TCF25: variants seen among roughly 807,000 people sequenced by gnomAD.
TCF25 encodes the protein ribosome quality control complex subunit TCF25.
Under a neutral mutation model 83.1 loss-of-function variants are expected in TCF25, and 41 were observed. The observed-to-expected ratio is 0.49, with a 90% CI of 0.38 to 0.64. The LOEUF (loss-of-function observed/expected upper bound fraction) is 0.64, where lower values mean the gene tolerates loss of function less well. Ranked by LOEUF, TCF25 falls within the 30% of genes least tolerant of loss-of-function variation. TCF25 has a pLI of 0.00. For synonymous variants in TCF25, 458 were observed against 365.0 expected, an observed-to-expected ratio of 1.25 and a Z score of -2.90; for missense variants, 979 against 914.5, an observed-to-expected ratio of 1.07 and a Z score of -0.91.
intron 1 of TCF25, among the ~76,000 whole-genome samples, chr16:89,880,449 C>T (rs1452943100): frequency 2.0e-5 from 3 of 152,064 alleles, no homozygotes; most frequent in South Asian, 2.1e-4. Flanking sequence ...CCTGGCATGG[C>T]GGCACATGCC....
At chr16:89,880,400 A>G (rs1028349049) in intron 1 of TCF25, among the ~76,000 whole-genome samples, 8 of 152,246 alleles carry the variant, frequency 5.3e-5, no homozygotes, top group African/African-American at 1.4e-4. Context: ...CCTGGCCAAC[A>G]TGATGAAACC....
At chr16:89,876,079 G>T (rs879138331) in intron 1 of TCF25, among the ~76,000 whole-genome samples, 12 of 152,156 alleles carry the variant, frequency 7.9e-5, no homozygotes, top group Admixed American at 2.0e-4. Context: ...TGAGTTGACA[G>T]AGTAAGAGTC....
intron 1 of TCF25, among the ~76,000 whole-genome samples, chr16:89,880,309 C>T (rs865922883): frequency 1.3e-5 from 2 of 152,174 alleles, no homozygotes; most frequent in Admixed American, 1.3e-4. Flanking sequence ...GTTGGCCGGG[C>T]GCGGTGGCTC....
chr16:89,906,298 G>T lies in TCF25; in HGVS notation c.1719+14G>T. 1 of 1,611,478 alleles carries T rather than the reference G, an allele frequency of 6.2e-7. No individual in the cohort carries two copies. The highest frequency in any genetic ancestry group is 1.1e-5 in the South Asian group (1 of 90,824). On this transcript the variant is annotated intron_variant, in intron 15 of 17. Transcript: ENST00000263346. ...GCCCTGCCCCCGGTAAGGGAGAAAG[G>T]CTGAAATGGGAGCTCTGTGTAAGCC...
At chr16:89,875,438 A>G (rs2042105390) in intron 1 of TCF25, among the ~76,000 whole-genome samples, 1 of 150,914 alleles carries the variant, frequency 6.6e-6, no homozygotes, top group Admixed American at 6.6e-5. Context: ...GTGCTGAAAG[A>G]TACTGGAGCC....
At position 89,887,682 on chromosome 16, in the gene TCF25, G is replaced by C; in HGVS notation, c.579G>C (p.Arg193Ser). Residue 193 changes from arginine to serine, a missense_variant, in exon 5 of 18, where the codon AGG becomes AGC. Physicochemically the swap from Arg to Ser is moderately radical, Grantham distance 110. Transcript: ENST00000263346. ...TGAATCCAGACACAGAACTGAAAAG[G>C]TATTTTGGTGCCCGGGCAATCCTGG... ...RHLNPDTELK[R>S]YFGARAILGE... is the part of the protein sequence containing the mutation. 6.3e-7 allele frequency: 1 copy of C among 1,589,968 alleles called. No homozygotes were observed. Among genetic ancestry groups the C allele is most frequent in the Non-Finnish European group, 8.5e-7 (1 of 1,172,862 alleles).
intron 9 of TCF25, among the ~76,000 whole-genome samples, chr16:89,898,075 C>T (rs1211647011): frequency 2.0e-5 from 3 of 151,690 alleles, no homozygotes; most frequent in Non-Finnish European, 1.5e-5. Context: ...CGCCACTGCA[C>T]TCCAGCCTGG....
intron 6 of TCF25, 87 bp from the exon 7 acceptor site, chr16:89,893,641 C>A: frequency 6.2e-7 from 1 of 1,600,814 alleles, no homozygotes; most frequent in South Asian, 1.1e-5. Context: ...AGGCCTCATC[C>A]AGAACACCAC....
chr16:89,896,090 G>C lies in TCF25; in HGVS notation c.1022+7G>C. The C allele has an allele frequency of 6.2e-7, 1 of 1,612,900 alleles. No homozygotes were observed. Reference sequence around the variant, plus strand: ...ACCGCAGACCCGAGAACAGGTGAGTGCAGCTGCCCTGGAGGTGACGCAGCT... The same window carrying C: ...ACCGCAGACCCGAGAACAGGTGAGTCCAGCTGCCCTGGAGGTGACGCAGCT... On this transcript the variant is annotated splice_region_variant and intron_variant, in intron 9 of 17. Coordinates refer to ENST00000263346, the MANE Select transcript of TCF25 (RefSeq NM_014972.3).
rs748021135 is a variant in TCF25 at position 89,900,693 on chromosome 16, T to G, written c.1280T>G (p.Phe427Cys). Residue 427 changes from phenylalanine (F) to cysteine (C), a missense_variant, in exon 12 of 18, where the codon TTC (phenylalanine) becomes TGC (cysteine). Coordinates refer to ENST00000263346, the MANE Select transcript of TCF25 (RefSeq NM_014972.3). ...NFAFSVPLAY[F>C]LLSQQTDLPE... ...GCCTTCTCTGTTCCACTGGCGTATT[T>G]CCTGCTGAGCCAGCAGACAGACCTC... 1 of 1,605,832 alleles carries G rather than the reference T, an allele frequency of 6.2e-7. No individual in the cohort carries two copies. The highest frequency in any genetic ancestry group is 8.5e-7 in the Non-Finnish European group (1 of 1,173,038).
intron 6 of TCF25, 91 bp from the exon 7 acceptor site, chr16:89,893,637 C>A (rs866495019): frequency 3.6e-5 from 58 of 1,596,192 alleles, no homozygotes; most frequent in Admixed American, 8.4e-5. Context: ...GCAGAGGCCT[C>A]ATCCAGAACA....
intron 1 of TCF25, among the ~76,000 whole-genome samples, chr16:89,878,154 C>A (rs1164359237): frequency 1.3e-5 from 2 of 152,018 alleles, no homozygotes; most frequent in African/African-American, 2.4e-5. Context: ...GTGGCACTCA[C>A]CTGTGGTCAC....
rs114881016 is a variant in TCF25, at chr16:89,904,610, C to G, written c.1470-328C>G. 937 of 504,520 alleles carry G rather than the reference C, an allele frequency of 1.9e-3. 8 individuals carry two copies. Among genetic ancestry groups the G allele is most frequent in the African/African-American group, 0.015 (788 of 51,956 alleles). The allele number at this position is 504,520 out of a possible 1,614,324, so 31.3% of individuals were successfully genotyped here. A position where few individuals can be genotyped will look rare whatever the true frequency, so the allele number is the denominator to read the frequency against. ...AAAATAAACAAAGAGGGAGCAAACA[C>G]AGGAGAAAGTGCACGCCTTGGGGTC... is the stretch of plus-strand genomic sequence containing the variant. On this transcript the variant is annotated intron_variant, in intron 13 of 17. Transcript: ENST00000263346.
intron 11 of TCF25, 65 bp from the exon 12 acceptor site, chr16:89,900,570 T>G (rs2044240230): frequency 6.7e-7 from 1 of 1,500,588 alleles, no homozygotes; most frequent in Non-Finnish European, 9.0e-7. Context: ...TCAGAGCGTC[T>G]GCAAACTCAC....
At chr16:89,904,020 T>G in intron 12 of TCF25, 98 bp from the exon 13 acceptor site, 1 of 1,226,484 alleles carries the variant, frequency 8.2e-7, no homozygotes, top group Non-Finnish European at 1.2e-6. Flanking sequence ...CAGCTGTGTC[T>G]GTGACAAGGA....
chr16:89,902,931 C>T (rs966914452), intron 12 of TCF25, among the ~76,000 whole-genome samples: 7 of 152,304 alleles, frequency 4.6e-5, no homozygotes, highest in East Asian at 1.9e-4. Context: ...AGGCCCACGG[C>T]GTGGGGTTGG....
In TCF25 at chr16:89,898,689, G is replaced by C. The variant is rs751477029; in HGVS notation, c.1115+40G>C. On this transcript the variant is annotated intron_variant, in intron 10 of 17. Transcript: ENST00000263346. ...AGGGCCAAGCCCGTCCACGCTCCCT[G>C]TCCTGGCTGCAGGCCCACTCTCAGC... 3.4e-5 allele frequency: 55 copies of C among 1,612,010 alleles called. No homozygotes were observed. In the East Asian group the frequency reaches 1.2e-3, roughly 36 times the overall value.
intron 4 of TCF25, among the ~76,000 whole-genome samples, chr16:89,886,487 GC>G (rs1467898542): frequency 4.0e-5 from 6 of 151,592 alleles, no homozygotes; most frequent in Non-Finnish European, 8.8e-5. Context: ...AATAGGCCGG[GC>G]CCGGTGGCTC....
In TCF25 at chr16:89,900,970, C is replaced by A. The variant is rs546398588; in HGVS notation, c.1381+176C>A. The A allele has an allele frequency of 7.0e-6, 5 of 714,144 alleles. No individual in the cohort carries two copies. The East Asian group carries it at 1.4e-4, about 20-fold the overall frequency. 44.2% of individuals were successfully genotyped at this position (714,144 alleles called of 1,614,324 possible). A position where few individuals can be genotyped will look rare whatever the true frequency, so the allele number is the denominator to read the frequency against. ...AACCTGAAAGAGGGTCGGCTCATCT[C>A]GGAACCCGCTGCGTGCCAAGCCAGG... On this transcript the variant is annotated intron_variant, in intron 12 of 17. Coordinates refer to ENST00000263346, the MANE Select transcript of TCF25 (RefSeq NM_014972.3).
Sources: gnomAD v4.1 joint callset for allele counts (sites outside exome capture counted in the v4.1 genomes callset) on GRCh38, gnomAD v4.1.1 for gene constraint, MANE v1.5 for transcripts, NCBI Gene and HGNC (gene_info 2026-07-23, HGNC 2026-07-21) for gene names.